Variants in OR10A6 observed in about 807,000 individuals in gnomAD.
OR10A6 encodes olfactory receptor 10A6.
Under a neutral mutation model 1.5 loss-of-function variants are expected in OR10A6, and 2 were observed. The observed-to-expected ratio is 1.31, with a 90% CI of 0.54 to 4.13. The LOEUF (loss-of-function observed/expected upper bound fraction) is 4.13, where lower values mean the gene tolerates loss of function less well. Ranked by LOEUF, OR10A6 falls within the 30% of genes most tolerant of loss-of-function variation. The pLI, the probability that OR10A6 is intolerant of heterozygous loss-of-function variation, is 0.07. For missense variants in OR10A6, 492 were observed against 368.6 expected (o/e 1.33, Z -2.74); for synonymous variants, 169 against 137.3 (o/e 1.23, Z -1.61).
rs1859502155 is a variant in OR10A6 at position 7,929,972 on chromosome 11, A to ATATATATATATATG, written c.-1311_-1310insCATATATATATATA. On this transcript the variant is annotated 5_prime_UTR_variant, in exon 4 of 4. Coordinates refer to ENST00000641238, the MANE Select transcript of OR10A6 (RefSeq NM_001004461.2). ...AAGGTATGTGTATGTGTATGTATAT[A>ATATATATATATATG]TATATATATATATATATATATAAAA... is the stretch of plus-strand genomic sequence containing the variant. The ATATATATATATATG allele has an allele frequency of 1.3e-5, 1 of 78,618 alleles. No individual in the cohort carries two copies. The highest frequency in any genetic ancestry group is 2.7e-5 in the Non-Finnish European group (1 of 37,552). 4.9% of individuals were successfully genotyped at this position (78,618 alleles called of 1,614,324 possible). A position where few individuals can be genotyped will look rare whatever the true frequency, so the allele number is the denominator to read the frequency against.
Position 7,929,995 on chromosome 11 carries a change from A to ATATATATATATATATATACAT in OR10A6, c.-1334_-1333insATGTATATATATATATATATA, listed in dbSNP as rs57836826. On this transcript the variant is annotated 5_prime_UTR_variant, in exon 4 of 4. The change creates a new upstream start codon in the 5' untranslated region. Transcript: ENST00000641238. ...ATATATATATATATATATATATATA[A>ATATATATATATATATATACAT]AATCCCTCACTAGAGCTTAGCTCCC... 1 of 63,168 alleles carries ATATATATATATATATATACAT rather than the reference A, an allele frequency of 1.6e-5. No individual in the cohort carries two copies. The highest frequency in any genetic ancestry group is 4.9e-4 in the East Asian group (1 of 2,024). 3.9% of individuals were successfully genotyped at this position (63,168 alleles called of 1,614,324 possible).
In OR10A6 at chr11:7,926,410, G is replaced by T. The variant is rs1354579582; in HGVS notation, c.*1308C>A. The T allele has an allele frequency of 6.6e-6, 1 of 152,186 alleles. No individual in the cohort carries two copies. Among genetic ancestry groups the T allele is most frequent in the Non-Finnish European group, 1.5e-5 (1 of 68,022 alleles). 9.4% of individuals were successfully genotyped at this position (152,186 alleles called of 1,614,324 possible). A position where few individuals can be genotyped will look rare whatever the true frequency, so the allele number is the denominator to read the frequency against. ...GGCTGTTGCCGGTCAGGGGTCCCCAGCTTCCAAAGTGACTGAGAAGAAAAG... is the reference window on the plus strand; with the variant it reads ...GGCTGTTGCCGGTCAGGGGTCCCCATCTTCCAAAGTGACTGAGAAGAAAAG... On this transcript the variant is annotated 3_prime_UTR_variant, in exon 4 of 4. Transcript: ENST00000641238.
rs560743664 is a variant in OR10A6, at chr11:7,927,489, C to G, written c.*229G>C. On this transcript the variant is annotated 3_prime_UTR_variant, in exon 4 of 4. Coordinates refer to ENST00000641238, the MANE Select transcript of OR10A6 (RefSeq NM_001004461.2). ...AACCATCAGTAGGGCTACTACTAAA[C>G]AAATTGTTGAAATTGTGTTATATTC... 2.4e-5 allele frequency: 10 copies of G among 421,968 alleles called. No individual in the cohort carries two copies. The East Asian group carries it at 3.4e-4, about 14-fold the overall frequency. The allele number at this position is 421,968 out of a possible 1,614,324, so 26.1% of individuals were successfully genotyped here. A position where few individuals can be genotyped will look rare whatever the true frequency, so the allele number is the denominator to read the frequency against.
rs1181459337 is a variant in OR10A6, at chr11:7,925,244, CAT to C, written c.*2472_*2473del. On this transcript the variant is annotated 3_prime_UTR_variant, in exon 4 of 4. Transcript: ENST00000641238. ...TAACAATTTCTATTCATCAGAATAA[CAT>C]AAAAATTTTAAACTATGACTAAATT... 1 of 152,110 alleles carries C rather than the reference CAT, an allele frequency of 6.6e-6. No homozygotes were observed. The highest frequency in any genetic ancestry group is 1.5e-5 in the Non-Finnish European group (1 of 68,010). 9.4% of individuals were successfully genotyped at this position (152,110 alleles called of 1,614,324 possible).
rs575009242 is a variant in OR10A6, at chr11:7,925,396, T to A, written c.*2322A>T. On this transcript the variant is annotated 3_prime_UTR_variant, in exon 4 of 4. Coordinates refer to ENST00000641238, the MANE Select transcript of OR10A6 (RefSeq NM_001004461.2). The stretch of plus-strand genomic sequence containing the variant: ...TTTAGAATTAGAGTGACCTAATTTC[T>A]TATTGTAATTTCATGAACATCTTGC... 6.6e-6 allele frequency: 1 copy of A among 152,284 alleles called. No individual in the cohort carries two copies. Among genetic ancestry groups the A allele is most frequent in the African/African-American group, 2.4e-5 (1 of 41,566 alleles). 9.4% of individuals were successfully genotyped at this position (152,284 alleles called of 1,614,324 possible).
In OR10A6 at chr11:7,929,966, G is replaced by GTATATATATGTATATATA. The variant is rs58402229; in HGVS notation, c.-1305_-1304insTATATATACATATATATA. ...TCTAGTAAGGTATGTGTATGTGTAT[G>GTATATATATGTATATATA]TATATATATATATATATATATATAT... On this transcript the variant is annotated 5_prime_UTR_variant, in exon 4 of 4. Transcript: ENST00000641238. 53 of 57,188 alleles carry GTATATATATGTATATATA rather than the reference G, an allele frequency of 9.3e-4. No individual in the cohort carries two copies. Among genetic ancestry groups the GTATATATATGTATATATA allele is most frequent in the Non-Finnish European group, 1.2e-3 (38 of 31,366 alleles). The allele number at this position is 57,188 out of a possible 1,614,324, so 3.5% of individuals were successfully genotyped here. A position where few individuals can be genotyped will look rare whatever the true frequency, so the allele number is the denominator to read the frequency against.
rs1859401991 is a variant in OR10A6 at position 7,926,444 on chromosome 11, C to T, written c.*1274G>A. On this transcript the variant is annotated 3_prime_UTR_variant, in exon 4 of 4. Transcript: ENST00000641238. The stretch of plus-strand genomic sequence containing the variant: ...GTGACTGAGAAGAAAAGTCCTGCAT[C>T]ATTACCCACAAGGTTCCAGCCTTCT... 1 of 152,200 alleles carries T rather than the reference C, an allele frequency of 6.6e-6. No individual in the cohort carries two copies. Among genetic ancestry groups the T allele is most frequent in the African/African-American group, 2.4e-5 (1 of 41,456 alleles). The allele number at this position is 152,200 out of a possible 1,614,324, so 9.4% of individuals were successfully genotyped here.
rs953158763 is a variant in OR10A6 at position 7,925,147 on chromosome 11, C to G, written c.*2571G>C. ...CTAGCAGCAGTAGCAGCCACGGTGA[C>G]TATAACTAAAAATCACCATGAAGAA... On this transcript the variant is annotated 3_prime_UTR_variant, in exon 4 of 4. Coordinates refer to ENST00000641238, the MANE Select transcript of OR10A6 (RefSeq NM_001004461.2). The G allele has an allele frequency of 6.6e-6, 1 of 151,806 alleles. No individual in the cohort carries two copies. The highest frequency in any genetic ancestry group is 6.6e-5 in the Admixed American group (1 of 15,222). The allele number at this position is 151,806 out of a possible 1,614,324, so 9.4% of individuals were successfully genotyped here.
In OR10A6 at chr11:7,927,218, C is replaced by A. The variant is rs1305475004; in HGVS notation, c.*500G>T. The stretch of plus-strand genomic sequence containing the variant: ...TCACTACAGAAGCAGAAAATCTCAT[C>A]TCGTTATTGTAGGCTTCTTGGCATA... On this transcript the variant is annotated 3_prime_UTR_variant, in exon 4 of 4. Transcript: ENST00000641238. The A allele has an allele frequency of 6.6e-6, 1 of 152,344 alleles. No homozygotes were observed. The highest frequency in any genetic ancestry group is 1.9e-4 in the East Asian group (1 of 5,182). 9.4% of individuals were successfully genotyped at this position (152,344 alleles called of 1,614,324 possible).
In OR10A6 at chr11:7,929,265, T is replaced by C. The variant is rs1198847445; in HGVS notation, c.-603A>G. 1 of 152,192 alleles carries C rather than the reference T, an allele frequency of 6.6e-6. No individual in the cohort carries two copies. The highest frequency in any genetic ancestry group is 1.5e-5 in the Non-Finnish European group (1 of 68,040). 9.4% of individuals were successfully genotyped at this position (152,192 alleles called of 1,614,324 possible). ...CAACACAACCATATTAGGTGACCTA[T>C]AGACTATGTGAATTGGCTTCAAGCT... On this transcript the variant is annotated 5_prime_UTR_variant, in exon 4 of 4. Transcript: ENST00000641238.
Position 7,925,914 on chromosome 11 carries a change from C to T in OR10A6, c.*1804G>A, listed in dbSNP as rs1859388384. ...TGAAACCCCACCTCTAAACAAAAGA[C>T]AGTTTAAAGCCTGAAAGCCAAACTG... On this transcript the variant is annotated 3_prime_UTR_variant, in exon 4 of 4. Transcript: ENST00000641238. The T allele has an allele frequency of 6.6e-6, 1 of 152,206 alleles. No individual in the cohort carries two copies. Among genetic ancestry groups the T allele is most frequent in the African/African-American group, 2.4e-5 (1 of 41,458 alleles). The allele number at this position is 152,206 out of a possible 1,614,324, so 9.4% of individuals were successfully genotyped here.
In OR10A6 at chr11:7,929,844, T is replaced by G. The variant is rs1859495222; in HGVS notation, c.-1182A>C. The G allele has an allele frequency of 7.0e-6, 1 of 142,482 alleles. No individual in the cohort carries two copies. The highest frequency in any genetic ancestry group is 1.5e-5 in the Non-Finnish European group (1 of 65,616). The allele number at this position is 142,482 out of a possible 1,614,324, so 8.8% of individuals were successfully genotyped here. On this transcript the variant is annotated 5_prime_UTR_variant, in exon 4 of 4. Transcript: ENST00000641238. ...ATATGGCATAGAATATAATATATCC[T>G]CTATCCTTTTTTTAAGAAATATGTG...
chr11:7,925,068 A>G lies in OR10A6; in HGVS notation c.*2650T>C, dbSNP rs1221586895. 1 of 152,094 alleles carries G rather than the reference A, an allele frequency of 6.6e-6. No homozygotes were observed. Among genetic ancestry groups the G allele is most frequent in the African/African-American group, 2.4e-5 (1 of 41,416 alleles). 9.4% of individuals were successfully genotyped at this position (152,094 alleles called of 1,614,324 possible). ...TGTTTTTTTTTTCTACTTAAAGAAC[A>G]AAAATGGGGTTTTCTCTATTAAAGA... On this transcript the variant is annotated 3_prime_UTR_variant, in exon 4 of 4. Transcript: ENST00000641238.
chr11:7,929,589 A>G lies in OR10A6; in HGVS notation c.-927T>C. The G allele has an allele frequency of 6.6e-6, 1 of 151,536 alleles. No individual in the cohort carries two copies. The highest frequency in any genetic ancestry group is 6.6e-5 in the Admixed American group (1 of 15,148). 9.4% of individuals were successfully genotyped at this position (151,536 alleles called of 1,614,324 possible). Reference sequence around the variant, plus strand: ...CCCTTAGGAATACACATGAATCCAGAGCTCAACAGAGAGCTAAGCACACTA... The same window carrying G: ...CCCTTAGGAATACACATGAATCCAGGGCTCAACAGAGAGCTAAGCACACTA... On this transcript the variant is annotated 5_prime_UTR_variant, in exon 4 of 4. Coordinates refer to ENST00000641238, the MANE Select transcript of OR10A6 (RefSeq NM_001004461.2).
chr11:7,929,472 T>C lies in OR10A6; in HGVS notation c.-810A>G, dbSNP rs1859482914. The C allele has an allele frequency of 1.3e-5, 2 of 151,934 alleles. No homozygotes were observed. The highest frequency in any genetic ancestry group is 1.3e-4 in the Admixed American group (2 of 15,214). 9.4% of individuals were successfully genotyped at this position (151,934 alleles called of 1,614,324 possible). On this transcript the variant is annotated 5_prime_UTR_variant, in exon 4 of 4. Coordinates refer to ENST00000641238, the MANE Select transcript of OR10A6 (RefSeq NM_001004461.2). Reference sequence around the variant, plus strand: ...TCTCTCTCTCCTTTTCTCTCTTCTCTCTTCCCACTATACTCGTCATCAAAA... The same window carrying C: ...TCTCTCTCTCCTTTTCTCTCTTCTCCCTTCCCACTATACTCGTCATCAAAA...
In OR10A6 at chr11:7,927,532, T is replaced by G. The variant is rs1276539852; in HGVS notation, c.*186A>C. On this transcript the variant is annotated 3_prime_UTR_variant, in exon 4 of 4. Transcript: ENST00000641238. ...TTATATTCAATATTAAGGAATATTA[T>G]GCACTGGTGAAAAAACTAAAAACAT... The G allele has an allele frequency of 1.9e-6, 1 of 520,002 alleles. No homozygotes were observed. The highest frequency in any genetic ancestry group is 1.9e-5 in the African/African-American group (1 of 52,612). 32.2% of individuals were successfully genotyped at this position (520,002 alleles called of 1,614,324 possible).
chr11:7,926,362 G>T lies in OR10A6; in HGVS notation c.*1356C>A, dbSNP rs1054950273. ...GAATGCAGGTACAAGCTATAACAGA[G>T]GTGAGCTGGGGCATGCCAGGTGGGC... On this transcript the variant is annotated 3_prime_UTR_variant, in exon 4 of 4. Coordinates refer to ENST00000641238, the MANE Select transcript of OR10A6 (RefSeq NM_001004461.2). 1 of 152,180 alleles carries T rather than the reference G, an allele frequency of 6.6e-6. No individual in the cohort carries two copies. The highest frequency in any genetic ancestry group is 1.5e-5 in the Non-Finnish European group (1 of 68,042). 9.4% of individuals were successfully genotyped at this position (152,180 alleles called of 1,614,324 possible).
Position 7,926,536 on chromosome 11 carries a change from G to A in OR10A6, c.*1182C>T, listed in dbSNP as rs1859404482. 1.3e-5 allele frequency: 2 copies of A among 152,126 alleles called. No individual in the cohort carries two copies. Among genetic ancestry groups the A allele is most frequent in the South Asian group, 2.1e-4 (1 of 4,826 alleles). 9.4% of individuals were successfully genotyped at this position (152,126 alleles called of 1,614,324 possible). A position where few individuals can be genotyped will look rare whatever the true frequency, so the allele number is the denominator to read the frequency against. ...TGCAACTTCACCTTTATTTTTGGCA[G>A]AAGGAGTAGTGAAGAAAAGAAGGGT... On this transcript the variant is annotated 3_prime_UTR_variant, in exon 4 of 4. Coordinates refer to ENST00000641238, the MANE Select transcript of OR10A6 (RefSeq NM_001004461.2).
chr11:7,928,616 C>G lies in OR10A6; in HGVS notation c.47G>C (p.Gly16Ala), dbSNP rs763007780. The change falls in exon 4 of 4, where the codon GGC (glycine) becomes GCC (alanine). Residue 16 changes from glycine (G) to alanine (A), a missense_variant. Transcript: ENST00000641238. Reference protein sequence around the residue: ...QSCVVEFILLGFSNYPELQGQ... With the variant: ...QSCVVEFILLAFSNYPELQGQ... The stretch of plus-strand genomic sequence containing the variant: ...CTGGAGCTCAGGATAGTTAGAAAAG[C>G]CCAAGAGGATGAATTCAACCACACA... 9.3e-6 allele frequency: 15 copies of G among 1,606,938 alleles called. No individual in the cohort carries two copies. The highest frequency in any genetic ancestry group is 1.3e-5 in the Non-Finnish European group (15 of 1,178,084).
Sources: gnomAD v4.1 joint callset for allele counts on GRCh38, gnomAD v4.1.1 for gene constraint, MANE v1.5 for transcripts, NCBI Gene and HGNC (gene_info 2026-07-23, HGNC 2026-07-21) for gene names.